SNRPC: variants seen among roughly 807,000 people sequenced by gnomAD.
The protein encoded by SNRPC is small nuclear ribonucleoprotein polypeptide C.
SNRPC carries 5 observed loss-of-function variants against 20.0 expected under a neutral mutation model. The observed-to-expected ratio is 0.25, with a 90% CI of 0.13 to 0.53. The LOEUF (loss-of-function observed/expected upper bound fraction) is 0.53. Ranked by LOEUF, SNRPC falls within the 20% of genes least tolerant of loss-of-function variation. The probability of loss-of-function intolerance (pLI) is 0.96; values close to 1 mark genes in which losing one functional copy is unlikely to be tolerated. For missense variants in SNRPC, 112 were observed against 224.1 expected (o/e 0.50, Z 3.19); for synonymous variants, 61 against 58.7 (o/e 1.04, Z -0.18).
At chr6:34,764,669 A>G (rs1764591104) in intron 3 of SNRPC, among the ~76,000 whole-genome samples, 1 of 151,884 alleles carries the variant, frequency 6.6e-6, no homozygotes, top group Admixed American at 6.6e-5. Context: ...TCTCAAAAAA[A>G]TAATAATAAT....
intron 5 of SNRPC, among the ~76,000 whole-genome samples, chr6:34,772,208 C>A (rs1212932811): frequency 6.6e-6 from 1 of 152,062 alleles, no homozygotes; most frequent in Non-Finnish European, 1.5e-5. Context: ...TTATACTCTT[C>A]TTTACTATTC....
intron 3 of SNRPC, among the ~76,000 whole-genome samples, chr6:34,763,167 G>A (rs1381067092): frequency 2.0e-5 from 3 of 152,120 alleles, no homozygotes; most frequent in African/African-American, 7.2e-5. Context: ...ACTACCTGAT[G>A]TAACAAAATA....
chr6:34,766,812 CT>C (rs1178146113), intron 3 of SNRPC, among the ~76,000 whole-genome samples: 1 of 152,268 alleles, frequency 6.6e-6, no homozygotes, highest in African/African-American at 2.4e-5. Flanking sequence ...ACTTAGGTCA[CT>C]TTTTTTGGAT....
At chr6:34,761,513 A>ATTTTT (rs869059984) in intron 2 of SNRPC, among the ~76,000 whole-genome samples, 55 of 85,644 alleles carry the variant, frequency 6.4e-4, no homozygotes, top group Non-Finnish European at 9.1e-4. Flanking sequence ...ACAAGGAACA[A>ATTTTT]TTTTTTTTTT....
At chr6:34,757,651 G>A (rs1002499992) in intron 1 of SNRPC, 100 bp downstream of exon 1, 1 of 1,414,976 alleles carries the variant, frequency 7.1e-7, no homozygotes, top group Admixed American at 1.8e-5. Flanking sequence ...CTCGAGGGAT[G>A]GGAGAGTATC....
chr6:34,761,734 G>A (rs552285098), intron 2 of SNRPC, among the ~76,000 whole-genome samples: 25 of 150,490 alleles, frequency 1.7e-4, no homozygotes, highest in Non-Finnish European at 2.4e-4. Context: ...GGATGGTCTC[G>A]ATCTGACCTT....
At chr6:34,762,855 C>T (rs1764555866) in intron 3 of SNRPC, 152 bp downstream of exon 3, 1 of 613,938 alleles carries the variant, frequency 1.6e-6, no homozygotes. Flanking sequence ...CATTGGTTTC[C>T]CAAGGATATA....
At chr6:34,760,509 A>T (rs550445550) in intron 2 of SNRPC, among the ~76,000 whole-genome samples, 1 of 151,974 alleles carries the variant, frequency 6.6e-6, no homozygotes, top group African/African-American at 2.4e-5. Context: ...CCTCGACATA[A>T]TTTTCTGAAA....
chr6:34,759,011 C>A, intron 2 of SNRPC, among the ~76,000 whole-genome samples: 1 of 125,618 alleles, frequency 8.0e-6, no homozygotes, highest in Non-Finnish European at 1.6e-5. Context: ...CAGAGCGAGA[C>A]TCCGTCTCAA....
chr6:34,764,723 T>C (rs1237641242), intron 3 of SNRPC, among the ~76,000 whole-genome samples: 2 of 151,574 alleles, frequency 1.3e-5, no homozygotes, highest in African/African-American at 4.8e-5. Context: ...AATTTTCAAA[T>C]AAAATAGAGA....
At chr6:34,764,218 G>A (rs1239418106) in intron 3 of SNRPC, among the ~76,000 whole-genome samples, 5 of 151,608 alleles carry the variant, frequency 3.3e-5, no homozygotes, top group Non-Finnish European at 7.4e-5. Flanking sequence ...GGTGGCTCAC[G>A]CCTGTAATCC....
Position 34,767,899 on chromosome 6 carries a change from C to CCTAAT in SNRPC, c.161-7_161-6insAATCT. On this transcript the variant is annotated splice_polypyrimidine_tract_variant and intron_variant, in intron 3 of 5. Transcript: ENST00000244520. ...TCTTTTTTTTTTTTTTTTTCCTCAC[C>CCTAAT]CTCCAAAGCGGCTGCATTTCAACAA... is the stretch of plus-strand genomic sequence containing the variant. 4 of 1,508,688 alleles carry CCTAAT rather than the reference C, an allele frequency of 2.7e-6. No homozygotes were observed. Among genetic ancestry groups the CCTAAT allele is most frequent in the Non-Finnish European group, 3.5e-6 (4 of 1,133,878 alleles). 93.5% of individuals were successfully genotyped at this position (1,508,688 alleles called of 1,614,324 possible).
At position 34,769,234 on chromosome 6, in the gene SNRPC, T is replaced by C. The variant is rs868748978; in HGVS notation, c.251-1057T>C. Among the ~76,000 whole-genome samples the C allele has an allele frequency of 7.4e-5, 11 of 149,476 alleles. No homozygotes were observed. The South Asian group carries it at 2.3e-3, about 32-fold the overall frequency. On this transcript the variant is annotated intron_variant, in intron 4 of 5. Transcript: ENST00000244520. Reference sequence around the variant, plus strand: ...CCTCACTATTTTCTTTCTTTCTTTTTTTTTTTTTTTTTTGAGACAGAGTCT... The same window carrying C: ...CCTCACTATTTTCTTTCTTTCTTTTCTTTTTTTTTTTTTGAGACAGAGTCT...
intron 4 of SNRPC, 65 bp from the exon 5 acceptor site, chr6:34,770,226 A>G (rs1037280375): frequency 3.2e-6 from 4 of 1,237,882 alleles, no homozygotes; most frequent in Non-Finnish European, 4.7e-6. Context: ...CCGTCTCAAA[A>G]AAAAAGAAGA....
chr6:34,758,281 AAAT>A, intron 2 of SNRPC, among the ~76,000 whole-genome samples: 1 of 152,324 alleles, frequency 6.6e-6, no homozygotes, highest in Non-Finnish European at 1.5e-5. Flanking sequence ...GCTGCTTGTC[AAAT>A]AATAACAACA....
intron 5 of SNRPC, among the ~76,000 whole-genome samples, chr6:34,772,373 T>C (rs1007463986): frequency 1.3e-5 from 2 of 152,226 alleles, no homozygotes. Flanking sequence ...TTGGTCTATG[T>C]CCATCCATTT....
intron 1 of SNRPC, 155 bp from the exon 2 acceptor site, chr6:34,757,757 G>A: frequency 1.3e-6 from 2 of 1,560,764 alleles, no homozygotes; most frequent in South Asian, 1.2e-5. Flanking sequence ...AAAAAGCCTG[G>A]TTTATGTGTC....
intron 2 of SNRPC, among the ~76,000 whole-genome samples, chr6:34,761,796 A>G (rs1201340890): frequency 1.3e-5 from 2 of 151,854 alleles, no homozygotes; most frequent in Admixed American, 1.3e-4. Context: ...GGCTTGAGCT[A>G]CTGCGCCCAG....
At chr6:34,762,842 G>A (rs1449048707) in intron 3 of SNRPC, 139 bp downstream of exon 3, 1 of 627,546 alleles carries the variant, frequency 1.6e-6, no homozygotes, top group Non-Finnish European at 2.9e-6. Context: ...AGAAGCAGAA[G>A]GTCATTGGTT....
Sources: allele counts gnomAD v4.1 joint callset (sites outside exome capture counted in the v4.1 genomes callset), GRCh38; gene constraint gnomAD v4.1.1; transcripts MANE v1.5; gene names NCBI Gene and HGNC (gene_info 2026-07-23, HGNC 2026-07-21).